QRICH1: variants seen among roughly 807,000 people sequenced by gnomAD.
QRICH1 encodes glutamine rich 1, also known as transcriptional regulator QRICH1.
QRICH1 carries 16 observed loss-of-function variants against 87.1 expected under a neutral mutation model. That is an observed-to-expected ratio of 0.18 (90% CI 0.12 to 0.28). The LOEUF (loss-of-function observed/expected upper bound fraction) is 0.28, where lower values mean the gene tolerates loss of function less well. QRICH1 is among the 10% of genes least tolerant of loss of function. QRICH1 has a pLI of 1.00. For missense variants in QRICH1, 647 were observed against 951.7 expected, an observed-to-expected ratio of 0.68 and a Z score of 4.21; for synonymous variants, 367 against 368.4, an observed-to-expected ratio of 1.00 and a Z score of 0.05.
At chr3:49,055,031 C>T (rs973773013) in intron 3 of QRICH1, among the ~76,000 whole-genome samples, 3 of 152,080 alleles carry the variant, frequency 2.0e-5, no homozygotes, top group Admixed American at 6.6e-5. Flanking sequence ...ATAAATAATT[C>T]GAAGGAAAAG....
chr3:49,037,092 A>AC (rs1468929332), intron 6 of QRICH1, among the ~76,000 whole-genome samples: 2 of 151,530 alleles, frequency 1.3e-5, no homozygotes, highest in African/African-American at 4.8e-5. Context: ...AAAAAAAAAA[A>AC]AAAGGAAAGT....
intron 2 of QRICH1, among the ~76,000 whole-genome samples, chr3:49,072,209 A>C (rs2041846952): frequency 6.6e-6 from 1 of 152,086 alleles, no homozygotes; most frequent in African/African-American, 2.4e-5. Context: ...CTTGAACCCC[A>C]GAGATGGAGG....
At chr3:49,041,424 C>T (rs1473293444) in intron 6 of QRICH1, among the ~76,000 whole-genome samples, 1 of 151,980 alleles carries the variant, frequency 6.6e-6, no homozygotes, top group Non-Finnish European at 1.5e-5. Flanking sequence ...AACTCCTGGG[C>T]TCAAGCAATC....
chr3:49,090,072 T>C (rs554912541), intron 1 of QRICH1, among the ~76,000 whole-genome samples: 50 of 152,216 alleles, frequency 3.3e-4, no homozygotes, highest in African/African-American at 1.1e-3. Context: ...CTCAGCACTT[T>C]GGGAGGCCAA....
intron 1 of QRICH1, among the ~76,000 whole-genome samples, chr3:49,089,262 G>C (rs1559959306): frequency 6.6e-6 from 1 of 151,146 alleles, no homozygotes; most frequent in Non-Finnish European, 1.5e-5. Flanking sequence ...ATTTCACCAT[G>C]TTGGCCAGGC....
At chr3:49,080,857 T>C (rs952311632) in intron 1 of QRICH1, among the ~76,000 whole-genome samples, 1 of 149,500 alleles carries the variant, frequency 6.7e-6, no homozygotes, top group African/African-American at 2.5e-5. Context: ...ATTATAATAG[T>C]ATAAAAAGAT....
At chr3:49,049,794 G>A (rs542676285) in intron 3 of QRICH1, among the ~76,000 whole-genome samples, 111 of 151,472 alleles carry the variant, frequency 7.3e-4, no homozygotes, top group Non-Finnish European at 1.4e-3. Context: ...CACCATACCC[G>A]GCCAGATTCT....
chr3:49,046,132 C>T (rs979913767), intron 5 of QRICH1, among the ~76,000 whole-genome samples: 2 of 151,246 alleles, frequency 1.3e-5, no homozygotes, highest in Admixed American at 1.3e-4. Context: ...CTGGGCTGGT[C>T]GTCTTCAACT....
At chr3:49,067,590 TTAAA>T (rs1357141801) in intron 2 of QRICH1, among the ~76,000 whole-genome samples, 1 of 150,986 alleles carries the variant, frequency 6.6e-6, no homozygotes, top group African/African-American at 2.4e-5. Context: ...AAAAAAGAAA[TTAAA>T]TGTTATTTAT....
chr3:49,089,926 A>C (rs534000739), intron 1 of QRICH1, among the ~76,000 whole-genome samples: 43 of 152,336 alleles, frequency 2.8e-4, no homozygotes, highest in African/African-American at 9.9e-4. Flanking sequence ...AAAAAGTAGT[A>C]CTTTCGCCAG....
At chr3:49,091,554 G>C (rs1026998101) in intron 1 of QRICH1, among the ~76,000 whole-genome samples, 22 of 152,274 alleles carry the variant, frequency 1.4e-4, no homozygotes, top group African/African-American at 5.1e-4. Context: ...TTGATCTTTA[G>C]TTTGAAATGG....
At chr3:49,079,232 T>TA (rs1018646062) in intron 1 of QRICH1, among the ~76,000 whole-genome samples, 1 of 151,016 alleles carries the variant, frequency 6.6e-6, no homozygotes, top group Non-Finnish European at 1.5e-5. Flanking sequence ...TAACTCTGTC[T>TA]AAAAAAAACA....
rs984393409 is a variant in QRICH1 at position 49,086,397 on chromosome 3, C to T, written c.-22+7515G>A. Among the ~76,000 whole-genome samples the T allele has an allele frequency of 5.3e-5, 8 of 151,958 alleles. No individual in the cohort carries two copies. The South Asian group carries it at 1.5e-3, about 28-fold the overall frequency. ...TCAGCCTCCCAAGTAGCTGGGACTA[C>T]AGGCACCCACCACCACGCCCGGCTA... On this transcript the variant is annotated intron_variant, in intron 1 of 9. Coordinates refer to ENST00000395443, the MANE Select transcript of QRICH1 (RefSeq NM_198880.3).
At position 49,070,023 on chromosome 3, in the gene QRICH1, C is replaced by T. The variant is rs111944543; in HGVS notation, c.309+6686G>A. 1.5e-3 allele frequency among the ~76,000 whole-genome samples: 223 copies of T among 152,088 alleles called. 1 individual carries two copies. Among genetic ancestry groups the T allele is most frequent in the African/African-American group, 5.1e-3 (213 of 41,508 alleles). ...CTTTCCCCAAAAGTTCTTTCCTACA[C>T]GCATTTGTCACCAAATTTTTTTTTT... On this transcript the variant is annotated intron_variant, in intron 2 of 9. Coordinates refer to ENST00000395443, the MANE Select transcript of QRICH1 (RefSeq NM_198880.3).
chr3:49,064,871 G>A (rs925009860), intron 2 of QRICH1, among the ~76,000 whole-genome samples: 6 of 151,904 alleles, frequency 3.9e-5, no homozygotes, highest in Non-Finnish European at 7.4e-5. Flanking sequence ...ACAAAAACTA[G>A]CCAGGTGTGG....
chr3:49,037,798 G>A lies in QRICH1; in HGVS notation c.1787-4570C>T, dbSNP rs148085797. ...AGGAGTTCCACACCAGCCTGACCTG[G>A]TGAAATCCCATCTCTACCAGACATA... On this transcript the variant is annotated intron_variant, in intron 6 of 9. Coordinates refer to ENST00000395443, the MANE Select transcript of QRICH1 (RefSeq NM_198880.3). Among the ~76,000 whole-genome samples, 736 of 151,392 alleles carry A rather than the reference G, an allele frequency of 4.9e-3. 3 individuals carry two copies. The highest frequency in any genetic ancestry group is 8.2e-3 in the Non-Finnish European group (554 of 67,878).
intron 6 of QRICH1, among the ~76,000 whole-genome samples, chr3:49,041,339 ATGTG>A (rs34898562): frequency 1.1e-4 from 16 of 149,226 alleles, no homozygotes; most frequent in Middle Eastern, 3.4e-3. Context: ...GATATTTAAT[ATGTG>A]TGTGTGTGTG....
chr3:49,050,890 A>T (rs371839575), intron 3 of QRICH1, among the ~76,000 whole-genome samples: 49 of 152,058 alleles, frequency 3.2e-4, no homozygotes, highest in East Asian at 1.5e-3. Context: ...CCTCCTCCCC[A>T]CCACCCACAG....
chr3:49,056,477 A>T (rs561130560), intron 3 of QRICH1, among the ~76,000 whole-genome samples: 1 of 152,232 alleles, frequency 6.6e-6, no homozygotes, highest in Non-Finnish European at 1.5e-5. Context: ...GTGATAAACT[A>T]CAAGTGTTTT....
Sources: gnomAD v4.1 joint callset for allele counts (sites outside exome capture counted in the v4.1 genomes callset) on GRCh38, gnomAD v4.1.1 for gene constraint, MANE v1.5 for transcripts, NCBI Gene and HGNC (gene_info 2026-07-23, HGNC 2026-07-21) for gene names.